Variants in RRBP1 observed in about 807,000 individuals in gnomAD.
RRBP1 encodes ribosome binding protein 1.
Under a neutral mutation model 165.2 loss-of-function variants are expected in RRBP1, and 94 were observed. The observed-to-expected ratio is 0.57, with a 90% CI of 0.48 to 0.68. The LOEUF (loss-of-function observed/expected upper bound fraction) is 0.68. Ranked by LOEUF, RRBP1 falls within the 30% of genes least tolerant of loss-of-function variation. RRBP1 has a pLI of 0.00. For missense variants in RRBP1, 1,676 were observed against 1,763.0 expected (o/e 0.95, Z 0.88); for synonymous variants, 680 against 714.5 (o/e 0.95, Z 0.77).
intron 3 of RRBP1, among the ~76,000 whole-genome samples, chr20:17,645,540 C>A (rs2122380482): frequency 6.6e-6 from 1 of 152,342 alleles, no homozygotes; most frequent in East Asian, 1.9e-4. Flanking sequence ...CTTTACAAAT[C>A]ATTTTTCATT....
In RRBP1 at chr20:17,615,542, G is replaced by A. The variant is rs1267100376; in HGVS notation, c.3952-13C>T. 5.6e-6 allele frequency: 9 copies of A among 1,594,482 alleles called. No individual in the cohort carries two copies. The highest frequency in any genetic ancestry group is 1.7e-4 in the Middle Eastern group (1 of 5,992). ...CCGAGGTCTGAGCCTTGCCGGAGAG[G>A]GAAGTGAGGTCTGGGTGAGACGTCT... On this transcript the variant is annotated splice_polypyrimidine_tract_variant and intron_variant, in intron 22 of 24. Coordinates refer to ENST00000377813, the MANE Select transcript of RRBP1 (RefSeq NM_001365613.2).
intron 5 of RRBP1, among the ~76,000 whole-genome samples, chr20:17,641,111 C>T (rs1280032414): frequency 1.3e-5 from 2 of 152,224 alleles, no homozygotes; most frequent in Non-Finnish European, 2.9e-5. Flanking sequence ...CACCAGGGCC[C>T]ACCCTCAGCA....
At chr20:17,675,923 G>C (rs970901747) in intron 2 of RRBP1, among the ~76,000 whole-genome samples, 1 of 151,788 alleles carries the variant, frequency 6.6e-6, no homozygotes, top group Admixed American at 6.6e-5. Flanking sequence ...AGAGGTGAGA[G>C]CAGGCTGGGC....
At chr20:17,639,119 G>A (rs1184481356) in intron 5 of RRBP1, among the ~76,000 whole-genome samples, 3 of 152,226 alleles carry the variant, frequency 2.0e-5, no homozygotes, top group Non-Finnish European at 4.4e-5. Context: ...CATGACAGCT[G>A]GAATGTTTTT....
In RRBP1 at chr20:17,613,820, C is replaced by A. The variant is rs1052893; in HGVS notation, c.*362G>T. The A allele has an allele frequency of 4.5e-5, 10 of 219,836 alleles. No homozygotes were observed. The highest frequency in any genetic ancestry group is 7.4e-5 in the Non-Finnish European group (8 of 108,262). 13.6% of individuals were successfully genotyped at this position (219,836 alleles called of 1,614,324 possible). The stretch of plus-strand genomic sequence containing the variant: ...AGAACTGGCTGCCCGGTCCCACCCG[C>A]TTCCCGCCCCGCCCCACTGAAAAAA... On this transcript the variant is annotated 3_prime_UTR_variant, in exon 25 of 25. Transcript: ENST00000377813.
At chr20:17,651,788 G>A (rs986779152) in intron 3 of RRBP1, among the ~76,000 whole-genome samples, 80 of 152,368 alleles carry the variant, frequency 5.3e-4, no homozygotes, top group African/African-American at 1.8e-3. Flanking sequence ...TAAAAGGCAA[G>A]GATTAGGAAG....
At chr20:17,634,414 C>T (rs1260576735) in intron 7 of RRBP1, among the ~76,000 whole-genome samples, 1 of 151,832 alleles carries the variant, frequency 6.6e-6, no homozygotes, top group Non-Finnish European at 1.5e-5. Context: ...CTCGTCTGTA[C>T]CGGGGAGGCC....
intron 2 of RRBP1, among the ~76,000 whole-genome samples, chr20:17,671,691 T>C (rs1201852012): frequency 2.0e-5 from 3 of 152,304 alleles, no homozygotes; most frequent in African/African-American, 7.2e-5. Flanking sequence ...CCAGCATTAA[T>C]CTCTGCCCCC....
chr20:17,638,868 C>T (rs571584408), intron 5 of RRBP1, among the ~76,000 whole-genome samples: 29 of 152,184 alleles, frequency 1.9e-4, no homozygotes, highest in African/African-American at 6.7e-4. Flanking sequence ...TGTAGAGAGC[C>T]CTCCAACCTG....
chr20:17,641,742 G>A (rs202006042), intron 5 of RRBP1, 55 bp downstream of exon 5: 31 of 1,599,944 alleles, frequency 1.9e-5, no homozygotes, highest in Admixed American at 3.3e-5. Context: ...GATGGGGCGG[G>A]GGTCCTCTGA....
intron 20 of RRBP1, among the ~76,000 whole-genome samples, chr20:17,617,098 A>C (rs113620772): frequency 0.024 from 3,690 of 152,300 alleles, 154 homozygotes; most frequent in African/African-American, 0.085. Flanking sequence ...CCTCCCTGGG[A>C]GTGAGGTGAC....
At chr20:17,627,474 C>A in intron 10 of RRBP1, 30 bp downstream of exon 10, 1 of 1,605,666 alleles carries the variant, frequency 6.2e-7, no homozygotes, top group Non-Finnish European at 8.5e-7. Flanking sequence ...AGTTCCCTTT[C>A]CTCCCCGTGG....
chr20:17,618,677 C>T lies in RRBP1; in HGVS notation c.3678G>A (p.Leu1226=), dbSNP rs1448532540. 7 of 1,613,448 alleles carry T rather than the reference C, an allele frequency of 4.3e-6. No individual in the cohort carries two copies. Among genetic ancestry groups the T allele is most frequent in the Admixed American group, 3.3e-5 (2 of 60,022 alleles). Residue 1226 remains leucine, a splice_region_variant and synonymous_variant, in exon 20 of 25, where the codon CTG becomes CTA. Transcript: ENST00000377813. ...CQNYAKEVAG[L]RQLLLESQSQ... ...ATTGAGATTCTAGGAGAAGTTGCCT[C>T]AGCTTGGGGAGAAAACAGAGGCGGG...
intron 3 of RRBP1, among the ~76,000 whole-genome samples, chr20:17,654,067 T>TA (rs2036605311): frequency 6.6e-6 from 1 of 152,174 alleles, no homozygotes; most frequent in African/African-American, 2.4e-5. Context: ...ACCACTGCAC[T>TA]AAAGGACACA....
intron 2 of RRBP1, among the ~76,000 whole-genome samples, chr20:17,667,024 A>C (rs990087728): frequency 2.0e-5 from 3 of 152,334 alleles, no homozygotes; most frequent in Admixed American, 6.5e-5. Flanking sequence ...TAACATTTTT[A>C]TGTGAGATTT....
At chr20:17,635,514 G>T in intron 7 of RRBP1, 32 bp downstream of exon 7, 1 of 1,518,832 alleles carries the variant, frequency 6.6e-7, no homozygotes, top group Non-Finnish European at 9.0e-7. Context: ...AGGGCCCTTG[G>T]GGAGGTGCTG....
At chr20:17,666,179 A>C (rs2036863589) in intron 2 of RRBP1, among the ~76,000 whole-genome samples, 1 of 152,184 alleles carries the variant, frequency 6.6e-6, no homozygotes, top group African/African-American at 2.4e-5. Context: ...TCTGTCAATG[A>C]ATATGGTATG....
In RRBP1 at chr20:17,633,518, T is replaced by C. The variant is rs755503466; in HGVS notation, c.2552A>G (p.Gln851Arg). 6.2e-7 allele frequency: 1 copy of C among 1,614,060 alleles called. No individual in the cohort carries two copies. Among genetic ancestry groups the C allele is most frequent in the South Asian group, 1.1e-5 (1 of 91,086 alleles). Residue 851 changes from glutamine (Q) to arginine (R), a missense_variant, in exon 8 of 25, where the codon CAG (glutamine) becomes CGG (arginine). By Grantham distance (43) the Gln-to-Arg change is conservative. This residue lies in a region of RRBP1 where 1,184 missense variants were observed against 1,167.1 expected (regional missense o/e 1.01). Coordinates refer to ENST00000377813, the MANE Select transcript of RRBP1 (RefSeq NM_001365613.2). ...KSEAVRQDEQ[Q>R]RKALEAKAAA... Reference sequence around the variant, plus strand: ...TGCCTTGGCTTCCAGAGCTTTCCGCTGCTGCTCATCTTGCCGCACAGCCTC... The same window carrying C: ...TGCCTTGGCTTCCAGAGCTTTCCGCCGCTGCTCATCTTGCCGCACAGCCTC...
intron 1 of RRBP1, among the ~76,000 whole-genome samples, chr20:17,681,666 T>C (rs2037191564): frequency 6.7e-6 from 1 of 149,220 alleles, no homozygotes; most frequent in South Asian, 2.1e-4. Flanking sequence ...GCCAACTTTC[T>C]TCGCCCAACT....
Sources: gnomAD v4.1 joint callset for allele counts (sites outside exome capture counted in the v4.1 genomes callset) on GRCh38, gnomAD v4.1.1 for gene constraint, gnomAD v4.1.1 regional missense constraint, MANE v1.5 for transcripts, NCBI Gene and HGNC (gene_info 2026-07-23, HGNC 2026-07-21) for gene names.